Variants in CSGALNACT1 observed in about 807,000 individuals in gnomAD.
CSGALNACT1 encodes beta4GalNAcT-1.
Under a neutral mutation model 51.0 loss-of-function variants are expected in CSGALNACT1, and 52 were observed. That is an observed-to-expected ratio of 1.02 (90% CI 0.82 to 1.29). The LOEUF is 1.29. Ranked by LOEUF, CSGALNACT1 falls within the 50% of genes most tolerant of loss-of-function variation. The probability of loss-of-function intolerance (pLI) is 0.00; values close to 1 mark genes in which losing one functional copy is unlikely to be tolerated. For synonymous variants in CSGALNACT1, 341 were observed against 254.4 expected, an observed-to-expected ratio of 1.34 and a Z score of -3.24; for missense variants, 935 against 679.2, an observed-to-expected ratio of 1.38 and a Z score of -4.19.
chr8:19,735,870 A>C (rs1293966172), intron 1 of CSGALNACT1, among the ~76,000 whole-genome samples: 2 of 152,214 alleles, frequency 1.3e-5, no homozygotes, highest in Non-Finnish European at 2.9e-5. Context: ...AAACAATTCA[A>C]AAGTGAACAA....
intron 1 of CSGALNACT1, among the ~76,000 whole-genome samples, chr8:19,728,914 C>T (rs17091182): frequency 0.14 from 21,590 of 151,968 alleles, 1,663 homozygotes; most frequent in Middle Eastern, 0.17. Context: ...TTCAAGCAGG[C>T]AGTCTGATTT....
intron 2 of CSGALNACT1, among the ~76,000 whole-genome samples, chr8:19,598,274 T>C (rs566308122): frequency 1.3e-5 from 2 of 152,368 alleles, no homozygotes; most frequent in South Asian, 2.1e-4. Context: ...TACCCATTCA[T>C]GTGCCAGTAT....
Position 19,466,180 on chromosome 8 carries a change from T to C in CSGALNACT1, c.635-7538A>G, listed in dbSNP as rs1332212037. 3.9e-5 allele frequency among the ~76,000 whole-genome samples: 6 copies of C among 152,206 alleles called. No homozygotes were observed. In the East Asian group the frequency reaches 5.8e-4, roughly 15 times the overall value. Reference sequence around the variant, plus strand: ...ATGTTCAACAAGAAAACAAAGAATATTTGGGAAAAGAAAATCTGTAACAGG... The same window carrying C: ...ATGTTCAACAAGAAAACAAAGAATACTTGGGAAAAGAAAATCTGTAACAGG... On this transcript the variant is annotated intron_variant, in intron 4 of 9. Coordinates refer to ENST00000454498, the Ensembl canonical transcript of CSGALNACT1.
exon 6 of CSGALNACT1, chr8:19,439,833 G>T: frequency 6.2e-7 from 1 of 1,608,980 alleles, no homozygotes; most frequent in African/African-American, 1.3e-5. Flanking sequence ...TACTCACTTG[G>T]AAGTGTTTTC....
rs184381620 is a variant in CSGALNACT1, at chr8:19,672,955, A to C, written c.-544+9518T>G. 2.0e-5 allele frequency among the ~76,000 whole-genome samples: 3 copies of C among 152,392 alleles called. No individual in the cohort carries two copies. In the East Asian group the frequency reaches 5.8e-4, roughly 29 times the overall value. ...TAGCCAATGGAAACCTCTGAGTTTT[A>C]ACCACTGTATCTCACTGCTTCTAGA... On this transcript the variant is annotated intron_variant, in intron 1 of 9. Coordinates refer to the CSGALNACT1 transcript ENST00000332246.
chr8:19,523,923 A>G (rs2081195008), intron 3 of CSGALNACT1, among the ~76,000 whole-genome samples: 1 of 152,220 alleles, frequency 6.6e-6, no homozygotes, highest in Admixed American at 6.5e-5. Context: ...GCTTCTGCAG[A>G]GCCTTTCAAG....
chr8:19,417,029 A>AT (rs1261761648), intron 8 of CSGALNACT1, among the ~76,000 whole-genome samples: 3 of 151,838 alleles, frequency 2.0e-5, no homozygotes, highest in African/African-American at 7.3e-5. Flanking sequence ...CTAATTTTTT[A>AT]TTTTTTAGTA....
intron 6 of CSGALNACT1, among the ~76,000 whole-genome samples, chr8:19,421,665 G>T (rs376933380): frequency 6.6e-6 from 1 of 152,180 alleles, no homozygotes; most frequent in African/African-American, 2.4e-5. Flanking sequence ...TACCCGTCTC[G>T]GGTAAAGGCC....
intron 3 of CSGALNACT1, among the ~76,000 whole-genome samples, chr8:19,541,614 G>C (rs914533458): frequency 1.5e-5 from 2 of 135,670 alleles, no homozygotes; most frequent in African/African-American, 6.0e-5. Flanking sequence ...TGGCCAGGCA[G>C]GTCTCCAGCT....
intron 4 of CSGALNACT1, among the ~76,000 whole-genome samples, chr8:19,488,427 A>G (rs914026251): frequency 5.7e-5 from 8 of 140,130 alleles, no homozygotes; most frequent in Admixed American, 2.2e-4. Context: ...TTAGATCAGA[A>G]TTCTAACTTT....
chr8:19,514,366 G>C (rs112176989), intron 3 of CSGALNACT1, among the ~76,000 whole-genome samples: 2 of 151,310 alleles, frequency 1.3e-5, no homozygotes, highest in African/African-American at 4.9e-5. Context: ...GGCCCTAGCA[G>C]TTTTGCTGCT....
chr8:19,535,629 T>G (rs2083581843), intron 3 of CSGALNACT1, among the ~76,000 whole-genome samples: 1 of 152,240 alleles, frequency 6.6e-6, no homozygotes, highest in Non-Finnish European at 1.5e-5. Context: ...TTTCAGAAAT[T>G]TAAAAACTAA....
intron 4 of CSGALNACT1, among the ~76,000 whole-genome samples, chr8:19,472,469 A>T (rs2068421383): frequency 6.6e-6 from 1 of 152,184 alleles, no homozygotes; most frequent in Non-Finnish European, 1.5e-5. Context: ...CATTTTTCAA[A>T]CCCTGTTCAC....
chr8:19,450,400 A>G (rs1460814365), intron 5 of CSGALNACT1, among the ~76,000 whole-genome samples: 1 of 152,120 alleles, frequency 6.6e-6, no homozygotes, highest in Non-Finnish European at 1.5e-5. Context: ...AGCAGGAGCT[A>G]CATTTAAAGC....
intron 1 of CSGALNACT1, among the ~76,000 whole-genome samples, chr8:19,719,247 T>C (rs910252308): frequency 1.3e-5 from 2 of 152,192 alleles, no homozygotes; most frequent in African/African-American, 4.8e-5. Flanking sequence ...TCTTGCCACA[T>C]TGCATGCATT....
At chr8:19,665,944 A>T (rs1292132588) in intron 1 of CSGALNACT1, among the ~76,000 whole-genome samples, 1 of 152,156 alleles carries the variant, frequency 6.6e-6, no homozygotes. Context: ...TCGATTTTCC[A>T]GGCTTCTTAT....
At chr8:19,541,343 T>C (rs1049394717) in intron 3 of CSGALNACT1, among the ~76,000 whole-genome samples, 1 of 149,038 alleles carries the variant, frequency 6.7e-6, no homozygotes. Flanking sequence ...CTCTGCCTCC[T>C]GGGTTCATGC....
intron 1 of CSGALNACT1, among the ~76,000 whole-genome samples, chr8:19,695,636 G>A (rs1001921458): frequency 2.6e-5 from 4 of 152,210 alleles, no homozygotes; most frequent in African/African-American, 7.2e-5. Flanking sequence ...TTTAGAGGCT[G>A]TACTGCAGAT....
chr8:19,450,292 G>A (rs1443419741), intron 5 of CSGALNACT1, among the ~76,000 whole-genome samples: 1 of 147,036 alleles, frequency 6.8e-6, no homozygotes, highest in South Asian at 2.3e-4. Context: ...GGGAGGAGGA[G>A]AAGGAGGAGG....
Sources: allele counts gnomAD v4.1 joint callset (sites outside exome capture counted in the v4.1 genomes callset), GRCh38; gene constraint gnomAD v4.1.1; transcripts MANE v1.5; gene names NCBI Gene and HGNC (gene_info 2026-07-23, HGNC 2026-07-21).